BBS9: variants seen among roughly 807,000 people sequenced by gnomAD.
The protein encoded by BBS9 is protein PTHB1.
BBS9 carries 89 observed loss-of-function variants against 117.7 expected under a neutral mutation model. The observed-to-expected ratio is 0.76, with a 90% CI of 0.64 to 0.90. The LOEUF is 0.90. BBS9 is among the 40% of genes least tolerant of loss of function. BBS9 has a pLI of 0.00. For missense variants in BBS9, 982 were observed against 1,042.2 expected, an observed-to-expected ratio of 0.94 and a Z score of 0.80; for synonymous variants, 379 against 370.9, an observed-to-expected ratio of 1.02 and a Z score of -0.25.
intron 21 of BBS9, among the ~76,000 whole-genome samples, chr7:33,539,407 G>T (rs1389856837): frequency 6.6e-6 from 1 of 152,210 alleles, no homozygotes. Context: ...CAATCCTGCT[G>T]TGTCATGCTG....
At chr7:33,447,178 C>T (rs535276025) in intron 19 of BBS9, among the ~76,000 whole-genome samples, 1 of 152,232 alleles carries the variant, frequency 6.6e-6, no homozygotes, top group Non-Finnish European at 1.5e-5. Context: ...AGAAACAAAC[C>T]AGAATATACC....
intron 19 of BBS9, among the ~76,000 whole-genome samples, chr7:33,415,249 G>T (rs571180046): frequency 2.0e-5 from 3 of 152,294 alleles, no homozygotes; most frequent in African/African-American, 7.2e-5. Context: ...ATAAAGTACT[G>T]TGGGTAAGAC....
chr7:33,289,150 G>A (rs774290818), intron 9 of BBS9, among the ~76,000 whole-genome samples: 1 of 152,064 alleles, frequency 6.6e-6, no homozygotes, highest in African/African-American at 2.4e-5. Flanking sequence ...CTAACAAGAC[G>A]TATGTTATTT....
At chr7:33,526,275 C>T (rs2129049274) in intron 20 of BBS9, among the ~76,000 whole-genome samples, 1 of 152,226 alleles carries the variant, frequency 6.6e-6, no homozygotes, top group Admixed American at 6.5e-5. Context: ...CTCTGTATTT[C>T]CTGAATCTGA....
At chr7:33,247,678 A>G (rs1052992713) in intron 5 of BBS9, among the ~76,000 whole-genome samples, 3 of 152,070 alleles carry the variant, frequency 2.0e-5, no homozygotes, top group African/African-American at 4.8e-5. Flanking sequence ...TGTTCACCCA[A>G]CTTTCTGAGA....
At chr7:33,560,863 T>C (rs1855983699) in intron 21 of BBS9, among the ~76,000 whole-genome samples, 1 of 152,180 alleles carries the variant, frequency 6.6e-6, no homozygotes, top group African/African-American at 2.4e-5. Context: ...TCCCTCCTGT[T>C]GCAATTTAAG....
chr7:33,608,087 T>A (rs1364013084), downstream of BBS9, among the ~76,000 whole-genome samples: 1 of 152,030 alleles, frequency 6.6e-6, no homozygotes, highest in Non-Finnish European at 1.5e-5. Context: ...ATTGTTGTTA[T>A]CTTCAAGTCC....
intron 5 of BBS9, among the ~76,000 whole-genome samples, chr7:33,250,193 G>A (rs1309083524): frequency 6.6e-6 from 1 of 152,124 alleles, no homozygotes; most frequent in Non-Finnish European, 1.5e-5. Context: ...AATTGTTTAA[G>A]TTCTGCAGGT....
chr7:33,353,554 A>G lies in BBS9; in HGVS notation c.1552+681A>G, dbSNP rs1819073904. ...TCAAGCACTCATCTTTGAATTGCAT[A>G]CTAACAGAGTACATAGCAGGCACTA... On this transcript the variant is annotated intron_variant, in intron 15 of 22. Transcript: ENST00000242067. Among the ~76,000 whole-genome samples, 5 of 152,234 alleles carry G rather than the reference A, an allele frequency of 3.3e-5. No homozygotes were observed. In the South Asian group the frequency reaches 6.2e-4, roughly 19 times the overall value.
intron 4 of BBS9, among the ~76,000 whole-genome samples, chr7:33,176,687 G>C (rs1328798174): frequency 6.6e-6 from 1 of 151,974 alleles, no homozygotes; most frequent in African/African-American, 2.4e-5. Context: ...GAGGACTATT[G>C]CATTTGCTTT....
chr7:33,254,439 C>G (rs573188484), intron 5 of BBS9, among the ~76,000 whole-genome samples: 1 of 151,594 alleles, frequency 6.6e-6, no homozygotes, highest in Admixed American at 6.6e-5. Flanking sequence ...TTCTGATATA[C>G]ATATACATTG....
At chr7:33,362,539 T>C (rs910950490) in intron 16 of BBS9, among the ~76,000 whole-genome samples, 4 of 152,232 alleles carry the variant, frequency 2.6e-5, no homozygotes, top group African/African-American at 7.2e-5. Flanking sequence ...CTGAATTGCC[T>C]TTTCAACTTT....
At chr7:33,254,409 A>G (rs1280353900) in intron 5 of BBS9, among the ~76,000 whole-genome samples, 1 of 152,204 alleles carries the variant, frequency 6.6e-6, no homozygotes, top group Non-Finnish European at 1.5e-5. Context: ...ATATATCTTC[A>G]AGGTGTGTAC....
At chr7:33,268,972 G>A (rs537230019) in intron 7 of BBS9, among the ~76,000 whole-genome samples, 4 of 152,162 alleles carry the variant, frequency 2.6e-5, no homozygotes, top group Non-Finnish European at 5.9e-5. Flanking sequence ...ATTTTATATA[G>A]GTAAGCAATA....
chr7:33,258,091 A>T (rs1457988037), intron 6 of BBS9, among the ~76,000 whole-genome samples: 1 of 152,144 alleles, frequency 6.6e-6, no homozygotes, highest in Non-Finnish European at 1.5e-5. Flanking sequence ...GAGTTTTTGG[A>T]GAGTATGTTT....
chr7:33,593,162 A>G (rs1862201680), intron 21 of BBS9, among the ~76,000 whole-genome samples: 2 of 152,260 alleles, frequency 1.3e-5, no homozygotes, highest in East Asian at 3.9e-4. Context: ...CAAACTAGAA[A>G]ACATTGTACT....
chr7:33,568,387 G>C (rs934279311), intron 21 of BBS9, among the ~76,000 whole-genome samples: 1 of 152,062 alleles, frequency 6.6e-6, no homozygotes, highest in African/African-American at 2.4e-5. Flanking sequence ...CCAGAGTTTT[G>C]TGTTTTCTCC....
chr7:33,356,206 G>A (rs1328933503), intron 15 of BBS9, among the ~76,000 whole-genome samples: 4 of 151,758 alleles, frequency 2.6e-5, no homozygotes, highest in Admixed American at 6.6e-5. Context: ...TTATTGTAGA[G>A]GAAACATACT....
chr7:33,592,023 G>C (rs1359799769), intron 21 of BBS9, among the ~76,000 whole-genome samples: 2 of 152,010 alleles, frequency 1.3e-5, no homozygotes, highest in Non-Finnish European at 2.9e-5. Flanking sequence ...TAATGCCTTG[G>C]TGACAATTTT....
Sources: gnomAD v4.1 joint callset for allele counts (sites outside exome capture counted in the v4.1 genomes callset) on GRCh38, gnomAD v4.1.1 for gene constraint, MANE v1.5 for transcripts, NCBI Gene and HGNC (gene_info 2026-07-23, HGNC 2026-07-21) for gene names.